LEKR1: variants seen among roughly 807,000 people sequenced by gnomAD.
LEKR1 encodes leucine, glutamate and lysine rich 1.
Under a neutral mutation model 72.4 loss-of-function variants are expected in LEKR1, and 59 were observed. The observed-to-expected ratio is 0.82, with a 90% CI of 0.66 to 1.01. The LOEUF is 1.01. LEKR1 is among the 50% of genes least tolerant of loss of function. The pLI, the probability that LEKR1 is intolerant of heterozygous loss-of-function variation, is 0.00. For synonymous variants in LEKR1, 257 were observed against 263.2 expected, an observed-to-expected ratio of 0.98 and a Z score of 0.23; for missense variants, 728 against 759.2, an observed-to-expected ratio of 0.96 and a Z score of 0.48.
At chr3:157,001,681 C>G (rs1732025420) in intron 9 of LEKR1, among the ~76,000 whole-genome samples, 1 of 152,168 alleles carries the variant, frequency 6.6e-6, no homozygotes, top group Non-Finnish European at 1.5e-5. Context: ...AGCCACACCT[C>G]CATCTGAGAT....
chr3:156,847,643 T>C (rs1247856326), intron 2 of LEKR1, among the ~76,000 whole-genome samples: 1 of 152,210 alleles, frequency 6.6e-6, no homozygotes, highest in Admixed American at 6.5e-5. Context: ...CATTTTTTTC[T>C]ATAGCAGTTT....
intron 3 of LEKR1, among the ~76,000 whole-genome samples, chr3:156,883,545 C>A (rs866100751): frequency 1.3e-5 from 2 of 152,132 alleles, no homozygotes; most frequent in African/African-American, 4.8e-5. Flanking sequence ...AATTGTAGCT[C>A]CCATAATTCC....
intron 3 of LEKR1, among the ~76,000 whole-genome samples, chr3:156,919,059 T>C (rs934483935): frequency 5.3e-5 from 8 of 152,194 alleles, no homozygotes; most frequent in African/African-American, 1.9e-4. Context: ...TAGCAGGTTG[T>C]TAAAATACGA....
intron 5 of LEKR1, among the ~76,000 whole-genome samples, chr3:156,938,080 T>G (rs1284093833): frequency 6.6e-6 from 1 of 152,140 alleles, no homozygotes; most frequent in Non-Finnish European, 1.5e-5. Flanking sequence ...AGAGCAATTT[T>G]GTATTTTGAT....
chr3:156,999,439 T>A (rs1200138313), intron 9 of LEKR1, among the ~76,000 whole-genome samples: 1 of 152,170 alleles, frequency 6.6e-6, no homozygotes, highest in Non-Finnish European at 1.5e-5. Context: ...CCTTTCTCTT[T>A]CTCAAGCTCT....
At chr3:156,910,958 T>C (rs1723049279) in intron 3 of LEKR1, among the ~76,000 whole-genome samples, 1 of 152,172 alleles carries the variant, frequency 6.6e-6, no homozygotes, top group African/African-American at 2.4e-5. Flanking sequence ...CCACCAACAA[T>C]GTATAAGCAT....
At chr3:156,969,523 A>G (rs1728957906) in intron 6 of LEKR1, among the ~76,000 whole-genome samples, 2 of 152,234 alleles carry the variant, frequency 1.3e-5, no homozygotes, top group Non-Finnish European at 2.9e-5. Context: ...AAAATCTAGA[A>G]GAAATGGATA....
At chr3:156,933,028 T>TCAAACAAA (rs373732154) in intron 5 of LEKR1, among the ~76,000 whole-genome samples, 9 of 151,894 alleles carry the variant, frequency 5.9e-5, no homozygotes, top group African/African-American at 1.9e-4. Flanking sequence ...AGACTCCGTC[T>TCAAACAAA]CAAACAAACA....
At chr3:156,966,724 G>A (rs1229807599) in intron 6 of LEKR1, among the ~76,000 whole-genome samples, 1 of 152,172 alleles carries the variant, frequency 6.6e-6, no homozygotes, top group Non-Finnish European at 1.5e-5. Context: ...CAAACAAAAG[G>A]CATCAGAATC....
At chr3:157,039,662 C>T (rs1020548639) in intron 12 of LEKR1, among the ~76,000 whole-genome samples, 5 of 152,124 alleles carry the variant, frequency 3.3e-5, no homozygotes, top group Admixed American at 6.6e-5. Flanking sequence ...CTAGCAAAGA[C>T]GGATTCATGT....
chr3:157,025,488 A>G (rs1000328910), intron 11 of LEKR1, among the ~76,000 whole-genome samples: 2 of 152,100 alleles, frequency 1.3e-5, no homozygotes, highest in African/African-American at 4.8e-5. Context: ...GTATTAATCA[A>G]GACCTAGTGG....
At chr3:156,926,169 G>A (rs534253076) in intron 4 of LEKR1, among the ~76,000 whole-genome samples, 2 of 152,064 alleles carry the variant, frequency 1.3e-5, no homozygotes, top group Non-Finnish European at 2.9e-5. Flanking sequence ...TCACAAATAT[G>A]AGTAACATCA....
At chr3:156,952,468 TG>T in intron 6 of LEKR1, among the ~76,000 whole-genome samples, 1 of 151,560 alleles carries the variant, frequency 6.6e-6, no homozygotes, top group South Asian at 2.1e-4. Context: ...TCAAAAACGC[TG>T]TCAAAGCTAA....
intron 3 of LEKR1, among the ~76,000 whole-genome samples, chr3:156,907,362 G>A (rs574725142): frequency 6.6e-6 from 1 of 152,016 alleles, no homozygotes; most frequent in African/African-American, 2.4e-5. Flanking sequence ...TTTCCCCATT[G>A]ATAAATCTTG....
intron 12 of LEKR1, among the ~76,000 whole-genome samples, chr3:157,043,723 C>A (rs1473252808): frequency 2.6e-5 from 4 of 152,174 alleles, no homozygotes; most frequent in African/African-American, 9.7e-5. Flanking sequence ...TCCTCCCCTG[C>A]CTTTTCCACA....
At chr3:156,859,036 G>T (rs536310177) in intron 3 of LEKR1, among the ~76,000 whole-genome samples, 1 of 152,134 alleles carries the variant, frequency 6.6e-6, no homozygotes, top group South Asian at 2.1e-4. Context: ...TTGGGAGACC[G>T]TATTAAGAGT....
intron 3 of LEKR1, among the ~76,000 whole-genome samples, chr3:156,905,972 A>G (rs1722489854): frequency 6.6e-6 from 1 of 152,132 alleles, no homozygotes; most frequent in African/African-American, 2.4e-5. Flanking sequence ...CCCCCACTTC[A>G]GTGAATTTTC....
chr3:156,919,647 A>T (rs1288040682), intron 3 of LEKR1, among the ~76,000 whole-genome samples: 1 of 152,232 alleles, frequency 6.6e-6, no homozygotes, highest in Admixed American at 6.5e-5. Flanking sequence ...GTACATTTAT[A>T]TTAGAAATAG....
chr3:156,841,161 G>T (rs985166195), intron 2 of LEKR1, among the ~76,000 whole-genome samples: 2 of 152,174 alleles, frequency 1.3e-5, no homozygotes, highest in Non-Finnish European at 2.9e-5. Flanking sequence ...GCCAGAGGGG[G>T]AACTTTATGC....
Sources: gnomAD v4.1 joint callset for allele counts (sites outside exome capture counted in the v4.1 genomes callset) on GRCh38, gnomAD v4.1.1 for gene constraint, MANE v1.5 for transcripts, NCBI Gene and HGNC (gene_info 2026-07-23, HGNC 2026-07-21) for gene names.